The following ZNF331 variants were observed in gnomAD, a reference collection of about 807,000 sequenced individuals.
ZNF331 encodes the protein zinc finger protein 331, also known as C2H2-like zinc finger protein rearranged in thyroid adenomas.
A neutral mutation model predicts 7.0 loss-of-function variants in ZNF331; 2 were observed. The ratio of observed to expected loss-of-function variants is 0.29; its 90% CI spans 0.12 to 0.90. The LOEUF (loss-of-function observed/expected upper bound fraction) is 0.90. ZNF331 is among the 40% of genes least tolerant of loss of function. The probability of loss-of-function intolerance (pLI) is 0.58; values close to 1 mark genes in which losing one functional copy is unlikely to be tolerated. For synonymous variants in ZNF331, 196 were observed against 205.4 expected, an observed-to-expected ratio of 0.95 and a Z score of 0.39; for missense variants, 432 against 587.7, an observed-to-expected ratio of 0.74 and a Z score of 2.74.
chr19:53,542,424 C>T (rs2088240924), intron 2 of ZNF331, among the ~76,000 whole-genome samples: 3 of 152,172 alleles, frequency 2.0e-5, no homozygotes, highest in Non-Finnish European at 2.9e-5. Flanking sequence ...CAGATACGGA[C>T]TTTCCATGTG....
rs1229080760 is a variant in ZNF331, at chr19:53,580,120, GGAT to G, written c.*2169_*2171del. On this transcript the variant is annotated 3_prime_UTR_variant, in exon 6 of 6. Transcript: ENST00000449416. Reference sequence around the variant, plus strand: ...TCAGATGTCTCACCACAAAGAAGGAGGATAAGGGAGCGAGGTGATGGATATGTT... The same window carrying G: ...TCAGATGTCTCACCACAAAGAAGGAGAAGGGAGCGAGGTGATGGATATGTT... 1 of 210,134 alleles carries G rather than the reference GGAT, an allele frequency of 4.8e-6. No individual in the cohort carries two copies. The highest frequency in any genetic ancestry group is 2.3e-5 in the African/African-American group (1 of 44,016). 13.0% of individuals were successfully genotyped at this position (210,134 alleles called of 1,614,324 possible).
intron 2 of ZNF331, among the ~76,000 whole-genome samples, chr19:53,554,341 A>G (rs1004510280): frequency 6.6e-6 from 1 of 152,020 alleles, no homozygotes; most frequent in Non-Finnish European, 1.5e-5. Context: ...GGCCACACGC[A>G]TGCGTTGGGG....
chr19:53,547,176 C>T (rs1246120214), intron 2 of ZNF331, among the ~76,000 whole-genome samples: 3 of 152,144 alleles, frequency 2.0e-5, no homozygotes, highest in Admixed American at 1.3e-4. Flanking sequence ...ATTATTCCCA[C>T]TTTATCTCCT....
chr19:53,513,454 T>C, the ZNF331 span, among the ~76,000 whole-genome samples: 1 of 152,010 alleles, frequency 6.6e-6, no homozygotes, highest in East Asian at 1.9e-4. Flanking sequence ...TTAGAATTTT[T>C]AAAAATATAA....
chr19:53,506,476 CTCTCT>C, the ZNF331 span, among the ~76,000 whole-genome samples: 1 of 134,366 alleles, frequency 7.4e-6, no homozygotes, highest in Non-Finnish European at 1.6e-5. Context: ...CTCTCTCTCT[CTCTCT>C]GTCTGTCTCT....
At chr19:53,566,729 G>A (rs1038147387) in intron 3 of ZNF331, among the ~76,000 whole-genome samples, 1 of 152,182 alleles carries the variant, frequency 6.6e-6, no homozygotes, top group Non-Finnish European at 1.5e-5. Flanking sequence ...GTTTTCAGAC[G>A]CCATGGGCCA....
chr19:53,506,314 G>A, the ZNF331 span, among the ~76,000 whole-genome samples: 3 of 96,190 alleles, frequency 3.1e-5, no homozygotes, highest in South Asian at 3.9e-4. Flanking sequence ...CAGCCTGGGC[G>A]ACAGAGCGAG....
upstream of ZNF331, among the ~76,000 whole-genome samples, chr19:53,537,073 A>C (rs1318865675): frequency 6.6e-6 from 1 of 152,230 alleles, no homozygotes; most frequent in Non-Finnish European, 1.5e-5. Flanking sequence ...TTGTAACTAC[A>C]TATGAATCTA....
chr19:53,507,348 C>T, the ZNF331 span, among the ~76,000 whole-genome samples: 717 of 152,236 alleles, frequency 4.7e-3, 7 homozygotes, highest in African/African-American at 0.016. Flanking sequence ...GGGCTCCCCA[C>T]CTTGATATTC....
chr19:53,510,796 C>A, the ZNF331 span, among the ~76,000 whole-genome samples: 1 of 151,804 alleles, frequency 6.6e-6, no homozygotes, highest in African/African-American at 2.4e-5. Context: ...TTACCCAAGT[C>A]CATGCTGTAA....
intron 2 of ZNF331, among the ~76,000 whole-genome samples, chr19:53,540,015 T>C (rs1219436255): frequency 6.6e-6 from 1 of 152,232 alleles, no homozygotes; most frequent in Non-Finnish European, 1.5e-5. Context: ...TTCAGTTGCC[T>C]ACAAATTCCA....
chr19:53,547,308 A>T (rs983547425), intron 2 of ZNF331, among the ~76,000 whole-genome samples: 2 of 152,084 alleles, frequency 1.3e-5, no homozygotes, highest in Non-Finnish European at 2.9e-5. Context: ...TGTCTAGCTT[A>T]TTTCACTTAG....
chr19:53,544,848 C>G (rs2088483485), intron 2 of ZNF331, among the ~76,000 whole-genome samples: 1 of 151,302 alleles, frequency 6.6e-6, no homozygotes, highest in African/African-American at 2.5e-5. Flanking sequence ...ATTCTCCTGC[C>G]TCAGCCTCCT....
chr19:53,547,142 A>G (rs1184595340), intron 2 of ZNF331, among the ~76,000 whole-genome samples: 1 of 152,168 alleles, frequency 6.6e-6, no homozygotes, highest in Non-Finnish European at 1.5e-5. Context: ...TTTAGTCACC[A>G]TGCTAGACAA....
intron 2 of ZNF331, among the ~76,000 whole-genome samples, chr19:53,530,433 C>T (rs1412123769): frequency 2.6e-5 from 4 of 152,108 alleles, no homozygotes; most frequent in Non-Finnish European, 5.9e-5. Context: ...CAAGCCATAC[C>T]GCCCACGGAT....
chr19:53,556,971 CTTTTTTTTT>C (rs59869542), intron 3 of ZNF331, among the ~76,000 whole-genome samples: 7 of 69,624 alleles, frequency 1.0e-4, no homozygotes, highest in Admixed American at 1.7e-4. Context: ...ACACCTGGCT[CTTTTTTTTT>C]TTTTTTTTTT....
upstream of ZNF331, among the ~76,000 whole-genome samples, chr19:53,519,631 C>G (rs913880644): frequency 8.5e-5 from 13 of 152,198 alleles, no homozygotes; most frequent in African/African-American, 3.1e-4. Context: ...CAGCCCAGGC[C>G]TCTCCCGCCC....
Position 53,539,736 on chromosome 19 carries a change from G to A in ZNF331, c.-138+454G>A, listed in dbSNP as rs1450173482. On this transcript the variant is annotated intron_variant, in intron 2 of 5. Transcript: ENST00000449416. The surrounding 1 kb of genome is among the most constrained non-coding windows in gnomAD (Gnocchi z 6.1). ...TCCCCCACCACCACCACCCTAAGGA[G>A]ATACTCTGTAATTTCATGGCATTAA... 6.6e-6 allele frequency among the ~76,000 whole-genome samples: 1 copy of A among 152,158 alleles called. No individual in the cohort carries two copies. Among genetic ancestry groups the A allele is most frequent in the Non-Finnish European group, 1.5e-5 (1 of 68,028 alleles).
At chr19:53,534,183 A>T (rs991340842), upstream of ZNF331, among the ~76,000 whole-genome samples, 14 of 152,174 alleles carry the variant, frequency 9.2e-5, no homozygotes, top group Admixed American at 9.2e-4. Flanking sequence ...ACTGGGCTAA[A>T]ACCAACATGT....
Sources: allele counts gnomAD v4.1 joint callset (sites outside exome capture counted in the v4.1 genomes callset), GRCh38; gene constraint gnomAD v4.1.1; non-coding constraint Gnocchi (gnomAD v3.1); transcripts MANE v1.5; gene names NCBI Gene and HGNC (gene_info 2026-07-23, HGNC 2026-07-21).